ARB2A: variants seen among roughly 807,000 people sequenced by gnomAD.
ARB2A encodes cotranscriptional regulator ARB2A.
At chr5:93,788,679 T>C in the ARB2A span, among the ~76,000 whole-genome samples, 1 of 152,218 alleles carries the variant, frequency 6.6e-6, no homozygotes, top group African/African-American at 2.4e-5. Flanking sequence ...CAAAGATTCC[T>C]TTACTTCTGC....
At chr5:93,995,273 A>C in the ARB2A span, among the ~76,000 whole-genome samples, 1 of 152,202 alleles carries the variant, frequency 6.6e-6, no homozygotes, top group Non-Finnish European at 1.5e-5. Flanking sequence ...TGAGCAGATC[A>C]TCTCTACAGT....
At chr5:93,684,113 C>G in the ARB2A span, among the ~76,000 whole-genome samples, 5 of 152,244 alleles carry the variant, frequency 3.3e-5, no homozygotes, top group East Asian at 9.7e-4. Context: ...TAACTCAGGG[C>G]CTAGGACTGT....
chr5:93,958,927 C>T, the ARB2A span: 7 of 1,605,768 alleles, frequency 4.4e-6, no homozygotes, highest in Non-Finnish European at 6.0e-6. Flanking sequence ...CATCCTCACT[C>T]ATAAAGATAA....
At chr5:93,803,892 T>C in the ARB2A span, among the ~76,000 whole-genome samples, 1 of 151,934 alleles carries the variant, frequency 6.6e-6, no homozygotes, top group Non-Finnish European at 1.5e-5. Context: ...ATGAAAGAGA[T>C]GCTGGGTTAG....
the ARB2A span, among the ~76,000 whole-genome samples, chr5:93,726,078 G>T: frequency 2.0e-5 from 3 of 152,080 alleles, no homozygotes; most frequent in African/African-American, 7.2e-5. Context: ...TCGAACATCA[G>T]TCAAGTGATG....
At chr5:93,812,650 A>G in the ARB2A span, among the ~76,000 whole-genome samples, 2 of 152,164 alleles carry the variant, frequency 1.3e-5, no homozygotes, top group Non-Finnish European at 2.9e-5. Flanking sequence ...GACTTCTGGA[A>G]ATTTAGGCAC....
chr5:93,783,092 A>G, the ARB2A span, among the ~76,000 whole-genome samples: 1 of 152,232 alleles, frequency 6.6e-6, no homozygotes, highest in East Asian at 1.9e-4. Context: ...ACCTAAATAA[A>G]TTTTATTATA....
At chr5:93,909,340 AAATTG>A in the ARB2A span, among the ~76,000 whole-genome samples, 5 of 151,060 alleles carry the variant, frequency 3.3e-5, no homozygotes, top group Non-Finnish European at 5.9e-5. Flanking sequence ...TGAATAAATG[AAATTG>A]AATTGAGATG....
the ARB2A span, among the ~76,000 whole-genome samples, chr5:93,906,690 C>T: frequency 5.9e-5 from 9 of 151,590 alleles, no homozygotes; most frequent in East Asian, 1.7e-3. Flanking sequence ...ATGTTCAGTG[C>T]ATTAAGACTT....
the ARB2A span, among the ~76,000 whole-genome samples, chr5:93,654,536 A>G: frequency 1.3e-5 from 2 of 152,178 alleles, no homozygotes; most frequent in Non-Finnish European, 2.9e-5. Context: ...CCTCTTAGAT[A>G]TCATGATATT....
the ARB2A span, among the ~76,000 whole-genome samples, chr5:93,858,575 C>T: frequency 6.6e-6 from 1 of 152,170 alleles, no homozygotes; most frequent in African/African-American, 2.4e-5. Context: ...TTGGCATATC[C>T]TGCCATTCGC....
At chr5:93,839,122 T>G in the ARB2A span, among the ~76,000 whole-genome samples, 1 of 152,200 alleles carries the variant, frequency 6.6e-6, no homozygotes, top group Non-Finnish European at 1.5e-5. Context: ...CGTTCCAGTT[T>G]TCAAGGGGAA....
chr5:94,032,340 T>C, the ARB2A span, among the ~76,000 whole-genome samples: 11 of 152,218 alleles, frequency 7.2e-5, no homozygotes, highest in African/African-American at 2.6e-4. Flanking sequence ...CAAAGAGGAA[T>C]CAGGTGTCTC....
At chr5:93,929,228 CAG>C in the ARB2A span, among the ~76,000 whole-genome samples, 1 of 152,008 alleles carries the variant, frequency 6.6e-6, no homozygotes, top group Admixed American at 6.6e-5. Flanking sequence ...ATAAATGATT[CAG>C]AGATGTCAAA....
the ARB2A span, among the ~76,000 whole-genome samples, chr5:93,869,837 C>T: frequency 6.6e-6 from 1 of 152,250 alleles, no homozygotes; most frequent in South Asian, 2.1e-4. Context: ...TTGCTCCTAA[C>T]TCCACTGCCT....
At chr5:93,817,257 A>C in the ARB2A span, among the ~76,000 whole-genome samples, 1 of 152,168 alleles carries the variant, frequency 6.6e-6, no homozygotes, top group Non-Finnish European at 1.5e-5. Flanking sequence ...AAATAATCAA[A>C]TACTTAGAAA....
the ARB2A span, among the ~76,000 whole-genome samples, chr5:93,810,055 G>A: frequency 6.6e-6 from 1 of 152,034 alleles, no homozygotes; most frequent in East Asian, 1.9e-4. Context: ...AATTTAAAAG[G>A]TAGGTATCAG....
chr5:93,650,944 G>A, the ARB2A span, among the ~76,000 whole-genome samples: 31,442 of 151,850 alleles, frequency 0.21, 4,893 homozygotes, highest in African/African-American at 0.43. Flanking sequence ...GTGAGCTATG[G>A]CTGTCCCACT....
At chr5:94,055,550 C>T in the ARB2A span, 667,647 of 724,944 alleles carry the variant, frequency 0.92, 309,605 homozygotes, top group East Asian at 1. Flanking sequence ...TATACTATCC[C>T]CAATATAAAA....
Sources: gnomAD v4.1 joint callset for allele counts (sites outside exome capture counted in the v4.1 genomes callset) on GRCh38, gnomAD v4.1.1 for gene constraint, MANE v1.5 for transcripts, NCBI Gene and HGNC (gene_info 2026-07-23, HGNC 2026-07-21) for gene names.